GPC6: variants seen among roughly 807,000 people sequenced by gnomAD.
GPC6 encodes glypican-6.
GPC6 carries 14 observed loss-of-function variants against 55.2 expected under a neutral mutation model. That is an observed-to-expected ratio of 0.25 (90% CI 0.17 to 0.40). The LOEUF (loss-of-function observed/expected upper bound fraction) is 0.40. GPC6 is among the 10% of genes least tolerant of loss of function. GPC6 has a pLI of 1.00. For synonymous variants in GPC6, 278 were observed against 259.6 expected (o/e 1.07, Z -0.68); for missense variants, 641 against 708.5 (o/e 0.90, Z 1.08).
chr13:94,260,024 TC>T (rs1456591471), intron 4 of GPC6, among the ~76,000 whole-genome samples: 2 of 152,130 alleles, frequency 1.3e-5, no homozygotes, highest in Admixed American at 1.3e-4. Flanking sequence ...TCTACTTAAG[TC>T]CCTTTTTTTA....
intron 3 of GPC6, among the ~76,000 whole-genome samples, chr13:93,925,276 C>A (rs927735051): frequency 6.6e-6 from 1 of 151,932 alleles, no homozygotes; most frequent in Non-Finnish European, 1.5e-5. Flanking sequence ...AAAGTCTTTT[C>A]TATTTTTTTT....
At chr13:93,729,567 A>G (rs1484260928) in intron 2 of GPC6, among the ~76,000 whole-genome samples, 2 of 152,224 alleles carry the variant, frequency 1.3e-5, no homozygotes, top group Non-Finnish European at 2.9e-5. Flanking sequence ...CATCTTAGAT[A>G]ACATCAAGAG....
intron 6 of GPC6, among the ~76,000 whole-genome samples, chr13:94,313,123 C>A (rs1459078506): frequency 2.0e-5 from 3 of 152,212 alleles, no homozygotes; most frequent in Admixed American, 1.3e-4. Context: ...CGTATTCTGT[C>A]TCGGTTTCTG....
intron 1 of GPC6, among the ~76,000 whole-genome samples, chr13:93,285,717 C>A (rs768555483): frequency 6.9e-6 from 1 of 144,758 alleles, no homozygotes; most frequent in Admixed American, 7.1e-5. Flanking sequence ...TTTTTAAAAC[C>A]CAGGTTAAAT....
intron 4 of GPC6, among the ~76,000 whole-genome samples, chr13:94,085,321 C>CAAAAAAAAAA (rs33967804): frequency 1.1e-5 from 1 of 87,046 alleles, no homozygotes; most frequent in African/African-American, 4.3e-5. Flanking sequence ...GATTCTGTCT[C>CAAAAAAAAAA]AAAAAAAAAA....
At chr13:93,335,562 G>A (rs1880015848) in intron 1 of GPC6, among the ~76,000 whole-genome samples, 1 of 152,154 alleles carries the variant, frequency 6.6e-6, no homozygotes, top group Non-Finnish European at 1.5e-5. Context: ...TACCTCTCAG[G>A]AGTGATAATG....
chr13:93,374,830 G>T (rs2139195885), intron 1 of GPC6, among the ~76,000 whole-genome samples: 1 of 152,276 alleles, frequency 6.6e-6, no homozygotes, highest in East Asian at 1.9e-4. Flanking sequence ...TGAAGCTGAA[G>T]ATAAAGATAA....
chr13:93,684,068 C>T (rs912728320), intron 2 of GPC6, among the ~76,000 whole-genome samples: 10 of 152,060 alleles, frequency 6.6e-5, no homozygotes, highest in Non-Finnish European at 1.0e-4. Flanking sequence ...CTCCTAACAC[C>T]GTCACACAGG....
intron 4 of GPC6, among the ~76,000 whole-genome samples, chr13:94,271,005 T>C (rs560687811): frequency 0.079 from 6,881 of 87,252 alleles, 423 homozygotes; most frequent in Middle Eastern, 0.18. Context: ...TTTTTTTTTT[T>C]CTGAGACGGA....
intron 1 of GPC6, among the ~76,000 whole-genome samples, chr13:93,496,133 C>G (rs1372074212): frequency 6.6e-6 from 1 of 152,126 alleles, no homozygotes; most frequent in African/African-American, 2.4e-5. Context: ...CTTGCTGCCT[C>G]CTTGCAGTTT....
At chr13:93,229,841 A>C (rs1458097672) in intron 1 of GPC6, among the ~76,000 whole-genome samples, 3 of 152,184 alleles carry the variant, frequency 2.0e-5, no homozygotes, top group African/African-American at 7.2e-5. Flanking sequence ...TCAGAGGCAC[A>C]TTTAATAGGA....
chr13:94,134,053 T>C (rs1887099706), intron 4 of GPC6, among the ~76,000 whole-genome samples: 2 of 152,198 alleles, frequency 1.3e-5, no homozygotes, highest in South Asian at 4.1e-4. Flanking sequence ...CTGATATGCT[T>C]GCAAAGCTCA....
At chr13:94,151,033 C>T (rs776782200) in intron 4 of GPC6, among the ~76,000 whole-genome samples, 2 of 151,732 alleles carry the variant, frequency 1.3e-5, no homozygotes, top group Non-Finnish European at 2.9e-5. Context: ...TATGATAGCT[C>T]ATTTTATAAC....
intron 4 of GPC6, among the ~76,000 whole-genome samples, chr13:94,262,470 C>T (rs533180039): frequency 3.9e-5 from 6 of 152,124 alleles, no homozygotes; most frequent in South Asian, 4.1e-4. Context: ...GCCAGGAGTT[C>T]GAGACCAGCC....
chr13:94,004,789 G>T (rs1056393241), intron 3 of GPC6, among the ~76,000 whole-genome samples: 1 of 152,126 alleles, frequency 6.6e-6, no homozygotes, highest in Admixed American at 6.5e-5. Context: ...GGGTGCGGTG[G>T]CTCATACCTG....
At chr13:94,267,091 C>A (rs1473167673) in intron 4 of GPC6, among the ~76,000 whole-genome samples, 1 of 152,044 alleles carries the variant, frequency 6.6e-6, no homozygotes, top group Non-Finnish European at 1.5e-5. Flanking sequence ...TTTAAAGCCC[C>A]CGTTTTCTCA....
At chr13:93,415,412 G>A (rs1271121087) in intron 1 of GPC6, among the ~76,000 whole-genome samples, 1 of 152,074 alleles carries the variant, frequency 6.6e-6, no homozygotes, top group East Asian at 1.9e-4. Flanking sequence ...TGATTGCATA[G>A]CATTCATTTG....
At chr13:93,825,876 T>G (rs1234228756) in intron 2 of GPC6, among the ~76,000 whole-genome samples, 2 of 148,470 alleles carry the variant, frequency 1.3e-5, no homozygotes, top group African/African-American at 4.9e-5. Flanking sequence ...TTTTTTTTTT[T>G]TTTGAGATGG....
intron 1 of GPC6, among the ~76,000 whole-genome samples, chr13:93,241,133 A>G (rs181095465): frequency 7.9e-5 from 12 of 152,256 alleles, no homozygotes; most frequent in Admixed American, 5.9e-4. Context: ...TTCTTTTTGC[A>G]ATGAATCTCC....
Sources: gnomAD v4.1 joint callset for allele counts (sites outside exome capture counted in the v4.1 genomes callset) on GRCh38, gnomAD v4.1.1 for gene constraint, MANE v1.5 for transcripts, NCBI Gene and HGNC (gene_info 2026-07-23, HGNC 2026-07-21) for gene names.